Variants in RSPH1 observed in about 807,000 individuals in gnomAD.
The protein encoded by RSPH1 is radial spoke head component 1.
In RSPH1, 32 loss-of-function variants were observed where a neutral mutation model predicts 44.2. The observed-to-expected ratio is 0.72, with a 90% CI of 0.55 to 0.97. RSPH1 has a LOEUF of 0.97. Ranked by LOEUF, RSPH1 falls within the 50% of genes least tolerant of loss-of-function variation. The probability of loss-of-function intolerance (pLI) is 0.00; values close to 1 mark genes in which losing one functional copy is unlikely to be tolerated. For missense variants in RSPH1, 391 were observed against 398.7 expected (o/e 0.98, Z 0.16); for synonymous variants, 134 against 147.3 (o/e 0.91, Z 0.65).
intron 3 of RSPH1, among the ~76,000 whole-genome samples, chr21:42,488,145 G>A (rs1439369162): frequency 6.6e-6 from 1 of 152,248 alleles, no homozygotes; most frequent in East Asian, 1.9e-4. Context: ...TAGGTCCCAT[G>A]ATGTGATGTG....
chr21:42,489,128 G>C (rs900968391), intron 3 of RSPH1, among the ~76,000 whole-genome samples: 1 of 152,006 alleles, frequency 6.6e-6, no homozygotes, highest in Non-Finnish European at 1.5e-5. Context: ...TAACTGGTTG[G>C]CTGGGTGGTT....
intron 3 of RSPH1, among the ~76,000 whole-genome samples, chr21:42,488,698 C>A (rs1271673460): frequency 6.6e-6 from 1 of 152,112 alleles, no homozygotes; most frequent in African/African-American, 2.4e-5. Context: ...ACTTAAAAAA[C>A]CTGTTAAGAG....
chr21:42,474,927 T>C lies in RSPH1; in HGVS notation c.877+971A>G, dbSNP rs916409942. Among the ~76,000 whole-genome samples, 1 of 152,134 alleles carries C rather than the reference T, an allele frequency of 6.6e-6. No individual in the cohort carries two copies. Among genetic ancestry groups the C allele is most frequent in the East Asian group, 1.9e-4 (1 of 5,200 alleles). The stretch of plus-strand genomic sequence containing the variant: ...AAAGGAATGGGAAGTATATTCTTAA[T>C]TTACAACAGAGACAAACTAAGTGGA... On this transcript the variant is annotated intron_variant, in intron 8 of 8. Coordinates refer to ENST00000291536, the MANE Select transcript of RSPH1 (RefSeq NM_080860.4). This position sits in a 1 kb window ranked among gnomAD's most constrained non-coding sequence, Gnocchi z 5.2.
rs527324973 is a variant in RSPH1 at position 42,474,970 on chromosome 21, G to A, written c.877+928C>T. Among the ~76,000 whole-genome samples the A allele has an allele frequency of 1.2e-4, 18 of 152,188 alleles. No individual in the cohort carries two copies. Among genetic ancestry groups the A allele is most frequent in the South Asian group, 2.1e-4 (1 of 4,834 alleles). On this transcript the variant is annotated intron_variant, in intron 8 of 8. Transcript: ENST00000291536. This position sits in a 1 kb window ranked among gnomAD's most constrained non-coding sequence, Gnocchi z 5.2. ...TAAGTGGAATGGGACTGCAGACCCCGTGCCTGAGGCCGCCGTGCCCAGGCT... is the reference window on the plus strand; with the variant it reads ...TAAGTGGAATGGGACTGCAGACCCCATGCCTGAGGCCGCCGTGCCCAGGCT...
intron 7 of RSPH1, among the ~76,000 whole-genome samples, chr21:42,476,683 C>G (rs2054054662): frequency 6.6e-6 from 1 of 152,144 alleles, no homozygotes; most frequent in South Asian, 2.1e-4. Context: ...CATTCACTCA[C>G]TGACCTAGGT....
intron 1 of RSPH1, among the ~76,000 whole-genome samples, chr21:42,493,924 A>G (rs921336521): frequency 1.3e-5 from 2 of 152,022 alleles, no homozygotes; most frequent in Non-Finnish European, 2.9e-5. Flanking sequence ...CTAATTTCAA[A>G]ATTTTTTTGT....
At chr21:42,477,644 G>T (rs1285404918) in intron 6 of RSPH1, among the ~76,000 whole-genome samples, 200 bp from the exon 7 acceptor site, 1 of 152,176 alleles carries the variant, frequency 6.6e-6, no homozygotes. Flanking sequence ...TCTTGAAAGA[G>T]CCAGGGTGAG....
At chr21:42,472,948 CT>C in intron 8 of RSPH1, 78 bp from the exon 9 acceptor site, 4 of 1,060,800 alleles carry the variant, frequency 3.8e-6, no homozygotes, top group Non-Finnish European at 5.5e-6. Context: ...ACTAACAGAT[CT>C]TTTGCCGAAA....
intron 3 of RSPH1, among the ~76,000 whole-genome samples, chr21:42,490,491 T>A (rs1568967114): frequency 1.3e-5 from 2 of 152,242 alleles, no homozygotes; most frequent in African/African-American, 4.8e-5. Flanking sequence ...TTTCCATTGC[T>A]GCCTTCATGA....
rs2054173908 is a variant in RSPH1 at position 42,485,730 on chromosome 21, T to G, written c.440A>C (p.Glu147Ala). 1.2e-6 allele frequency: 2 copies of G among 1,614,098 alleles called. No homozygotes were observed. The highest frequency in any genetic ancestry group is 1.7e-6 in the Non-Finnish European group (2 of 1,180,042). Residue 147 changes from glutamate to alanine, a missense_variant, in exon 5 of 9, where the codon GAG becomes GCG. By Grantham distance (107) the Glu-to-Ala change is moderately radical. Transcript: ENST00000291536. Reference sequence around the variant, plus strand: ...CAGGTGAATGAGCTCGGCCGTGCCCTCCTGCTGTCCGTTCACCCAGGTGCC... The same window carrying G: ...CAGGTGAATGAGCTCGGCCGTGCCCGCCTGCTGTCCGTTCACCCAGGTGCC... ...YVGTWVNGQQEGTAELIHLNH... is the reference protein window; with the variant it reads ...YVGTWVNGQQAGTAELIHLNH...
At chr21:42,478,201 T>C (rs988226320) in intron 6 of RSPH1, among the ~76,000 whole-genome samples, 2 of 152,384 alleles carry the variant, frequency 1.3e-5, no homozygotes, top group Admixed American at 1.3e-4. Flanking sequence ...TCCAAAGATC[T>C]GAGCATCAGC....
At chr21:42,483,679 A>G (rs1032453755) in intron 5 of RSPH1, among the ~76,000 whole-genome samples, 3 of 152,212 alleles carry the variant, frequency 2.0e-5, no homozygotes, top group Non-Finnish European at 4.4e-5. Flanking sequence ...TTATTTTTAT[A>G]AAGCTAAACC....
intron 7 of RSPH1, among the ~76,000 whole-genome samples, chr21:42,476,802 C>T (rs2054056305): frequency 6.6e-6 from 1 of 152,162 alleles, no homozygotes; most frequent in Non-Finnish European, 1.5e-5. Context: ...TTTCCTCTCC[C>T]CTCCGCTCTC....
At chr21:42,487,580 A>G (rs1372205447) in intron 3 of RSPH1, among the ~76,000 whole-genome samples, 1 of 152,230 alleles carries the variant, frequency 6.6e-6, no homozygotes, top group Non-Finnish European at 1.5e-5. Flanking sequence ...GGCTACTTAG[A>G]TTCTGTGATG....
At chr21:42,493,274 A>G (rs895328824) in intron 1 of RSPH1, among the ~76,000 whole-genome samples, 195 bp from the exon 2 acceptor site, 2 of 152,204 alleles carry the variant, frequency 1.3e-5, no homozygotes, top group Non-Finnish European at 2.9e-5. Flanking sequence ...CACTAGACCA[A>G]GGCCACACCC....
intron 1 of RSPH1, among the ~76,000 whole-genome samples, chr21:42,494,993 C>A (rs1036742398): frequency 2.6e-5 from 4 of 152,152 alleles, no homozygotes; most frequent in Admixed American, 6.5e-5. Context: ...AGCCACCGCG[C>A]CTGGCCTGAT....
At chr21:42,493,155 T>A in intron 1 of RSPH1, 76 bp from the exon 2 acceptor site, 4 of 1,222,250 alleles carry the variant, frequency 3.3e-6, no homozygotes, top group Non-Finnish European at 3.6e-6. Context: ...TTTGTAAATA[T>A]CATACCCTTG....
rs114049808 is a variant in RSPH1 at position 42,483,849 on chromosome 21, C to T, written c.502-1141G>A. ...TGTGTGAAGGCAAAACTATTATTTT[C>T]CTCCCAAATAATTGTCAAGTGTTCC... On this transcript the variant is annotated intron_variant, in intron 5 of 8. Transcript: ENST00000291536. 7.9e-3 allele frequency among the ~76,000 whole-genome samples: 1,208 copies of T among 152,142 alleles called. 20 individuals carry two copies. The highest frequency in any genetic ancestry group is 0.027 in the African/African-American group (1,127 of 41,496).
At chr21:42,473,452 T>C (rs61495020) in intron 8 of RSPH1, among the ~76,000 whole-genome samples, 20,725 of 149,382 alleles carry the variant, frequency 0.14, 1,571 homozygotes, top group Non-Finnish European at 0.17. Context: ...GTCACGCCAT[T>C]GCACTTCAGC....
Sources: gnomAD v4.1 joint callset for allele counts (sites outside exome capture counted in the v4.1 genomes callset) on GRCh38, gnomAD v4.1.1 for gene constraint, Gnocchi (gnomAD v3.1) non-coding constraint, MANE v1.5 for transcripts, NCBI Gene and HGNC (gene_info 2026-07-23, HGNC 2026-07-21) for gene names.